Variants in NBR1 observed in about 807,000 individuals in gnomAD.
The protein encoded by NBR1 is next to BRCA1 gene 1 protein.
In NBR1, 59 loss-of-function variants were observed where a neutral mutation model predicts 115.5. The ratio of observed to expected loss-of-function variants is 0.51; its 90% CI spans 0.41 to 0.63. The LOEUF (loss-of-function observed/expected upper bound fraction) is 0.63. NBR1 is among the 30% of genes least tolerant of loss of function. The pLI, the probability that NBR1 is intolerant of heterozygous loss-of-function variation, is 0.00. For missense variants in NBR1, 1,043 were observed against 1,150.5 expected (o/e 0.91, Z 1.35); for synonymous variants, 373 against 414.7 (o/e 0.90, Z 1.22).
intron 5 of NBR1, among the ~76,000 whole-genome samples, chr17:43,181,707 G>A (rs909467636): frequency 4.7e-5 from 7 of 150,050 alleles, no homozygotes; most frequent in Non-Finnish European, 7.4e-5. Flanking sequence ...TATCTTGGCC[G>A]GGTGCAGTGG....
In NBR1 at chr17:43,186,337, G is replaced by A. The variant is rs1403456934; in HGVS notation, c.295G>A (p.Ala99Thr). Residue 99 changes from alanine to threonine, a missense_variant, in exon 6 of 21, where the codon GCA (alanine) becomes ACA (threonine). Ala to Thr is a moderately conservative substitution (Grantham distance 58, BLOSUM62 0). Coordinates refer to ENST00000590996, the MANE Select transcript of NBR1 (RefSeq NM_005899.5). Reference protein sequence around the residue: ...VDEAPPPVVGAKRLAARAGKK... With the variant: ...VDEAPPPVVGTKRLAARAGKK... ...TGAAGCCCCACCCCCAGTTGTAGGA[G>A]CAAAACGACTAGCTGCCAGGGCAGG... The A allele has an allele frequency of 1.3e-6, 2 of 1,596,524 alleles. No homozygotes were observed. The highest frequency in any genetic ancestry group is 1.7e-6 in the Non-Finnish European group (2 of 1,171,580).
At chr17:43,197,433 G>A (rs1211886837) in intron 16 of NBR1, among the ~76,000 whole-genome samples, 1 of 151,808 alleles carries the variant, frequency 6.6e-6, no homozygotes, top group African/African-American at 2.4e-5. Context: ...GCAGGAGAAT[G>A]GCATGAACCC....
upstream of NBR1, chr17:43,170,483 TA>T (rs1297153011): frequency 2.6e-5 from 4 of 154,014 alleles, no homozygotes; most frequent in Non-Finnish European, 5.8e-5. Context: ...TACGTCACAG[TA>T]ATTGCTGTAC....
rs1368103259 is a variant in NBR1, at chr17:43,211,378, G to A, written c.*1304G>A. 6.6e-6 allele frequency: 1 copy of A among 152,656 alleles called. No homozygotes were observed. Among genetic ancestry groups the A allele is most frequent in the Non-Finnish European group, 1.5e-5 (1 of 68,048 alleles). The allele number at this position is 152,656 out of a possible 1,614,324, so 9.5% of individuals were successfully genotyped here. A position where few individuals can be genotyped will look rare whatever the true frequency, so the allele number is the denominator to read the frequency against. On this transcript the variant is annotated 3_prime_UTR_variant, in exon 21 of 21. Transcript: ENST00000590996. ...ATCTAACCTGGTTGGTATTTGTAAT[G>A]AATGGTGATTTTAATTAGTCATTAG... is the stretch of plus-strand genomic sequence containing the variant.
At position 43,180,434 on chromosome 17, in the gene NBR1, T is replaced by C. The variant is rs184686548; in HGVS notation, c.185-361T>C. 4.0e-3 allele frequency among the ~76,000 whole-genome samples: 609 copies of C among 152,344 alleles called. 4 individuals are homozygous for C. The highest frequency in any genetic ancestry group is 0.01 in the Middle Eastern group (3 of 294). On this transcript the variant is annotated intron_variant, in intron 4 of 20. Coordinates refer to ENST00000590996, the MANE Select transcript of NBR1 (RefSeq NM_005899.5). The stretch of plus-strand genomic sequence containing the variant: ...GTAAAAATGTGGCATTATAATCTTA[T>C]GGGATCACCATCATACACATGGTTG...
intron 1 of NBR1, 111 bp from the exon 2 acceptor site, chr17:43,175,680 C>T (rs1245590646): frequency 1.7e-6 from 1 of 576,744 alleles, no homozygotes; most frequent in Non-Finnish European, 3.1e-6. Flanking sequence ...TCTCCCAAGC[C>T]CAGCCCATAT....
At chr17:43,194,707 C>T in intron 13 of NBR1, 1 of 641,956 alleles carries the variant, frequency 1.6e-6, no homozygotes, top group Non-Finnish European at 2.7e-6. Context: ...CCTGTACTTC[C>T]CCACAAACTC....
intron 10 of NBR1, 73 bp downstream of exon 10, chr17:43,191,654 C>A: frequency 1.0e-6 from 1 of 983,856 alleles, no homozygotes; most frequent in Non-Finnish European, 1.5e-6. Flanking sequence ...AACCAATTTC[C>A]GTCTTATTTA....
chr17:43,204,978 A>G (rs752250281), intron 20 of NBR1, among the ~76,000 whole-genome samples: 23 of 152,074 alleles, frequency 1.5e-4, no homozygotes, highest in Non-Finnish European at 2.1e-4. Flanking sequence ...CCTGTCTCAA[A>G]AAACAACAAC....
intron 19 of NBR1, among the ~76,000 whole-genome samples, chr17:43,203,285 T>A (rs1047284245): frequency 2.0e-5 from 3 of 152,252 alleles, no homozygotes; most frequent in African/African-American, 7.2e-5. Context: ...TGGACATACC[T>A]GGTTCTCTGC....
Position 43,193,184 on chromosome 17 carries a change from A to G in NBR1, c.1164A>G (p.Pro388=). The G allele has an allele frequency of 1.2e-6, 2 of 1,614,040 alleles. No homozygotes were observed. Among genetic ancestry groups the G allele is most frequent in the Non-Finnish European group, 8.5e-7 (1 of 1,179,892 alleles). The change falls in exon 11 of 21, where the codon CCA becomes CCG. Residue 388 remains proline (P), a synonymous_variant. Coordinates refer to ENST00000590996, the MANE Select transcript of NBR1 (RefSeq NM_005899.5). ...ENLPDGTHLQ[P]GTKFIKHWRM... ...TGCCTGATGGGACTCACCTTCAGCC[A>G]GGAACCAAGTTTATCAAACACTGGA...
chr17:43,174,183 CT>C (rs1334021773), intron 1 of NBR1, among the ~76,000 whole-genome samples: 1 of 151,880 alleles, frequency 6.6e-6, no homozygotes, highest in East Asian at 1.9e-4. Context: ...TGCTGTAAAC[CT>C]TTGGTTACAG....
intron 5 of NBR1, among the ~76,000 whole-genome samples, chr17:43,182,211 CTTTTTTT>C (rs752789312): frequency 1.4e-5 from 1 of 71,570 alleles, no homozygotes; most frequent in Non-Finnish European, 2.5e-5. Context: ...CTGTTCTCTC[CTTTTTTT>C]TTTTTTTTTT....
chr17:43,199,406 C>T (rs1337448953), intron 16 of NBR1, among the ~76,000 whole-genome samples: 2 of 150,768 alleles, frequency 1.3e-5, no homozygotes, highest in Non-Finnish European at 3.0e-5. Context: ...GGGACACAGT[C>T]TCTGTCACCC....
Position 43,196,555 on chromosome 17 carries a change from G to A in NBR1, c.1825G>A (p.Glu609Lys), listed in dbSNP as rs1188892016. The stretch of plus-strand genomic sequence containing the variant: ...GAAGCCAGGCTTGGGGCAGATAGAG[G>A]AAGAGAATGAAGGGGCAGGATTTAA... ...IEKPGLGQIE[E>K]ENEGAGFKAL... is the part of the protein sequence containing the mutation. The change falls in exon 15 of 21, where the codon GAA becomes AAA. Residue 609 changes from glutamate (E) to lysine (K), a missense_variant. Physicochemically the swap from Glu to Lys is moderately conservative, Grantham distance 56 (BLOSUM62 1). Coordinates refer to ENST00000590996, the MANE Select transcript of NBR1 (RefSeq NM_005899.5). 13 of 1,605,744 alleles carry A rather than the reference G, an allele frequency of 8.1e-6. No individual in the cohort carries two copies. The highest frequency in any genetic ancestry group is 1.1e-5 in the Non-Finnish European group (13 of 1,176,816).
At chr17:43,170,770 T>G (rs1449510841), upstream of NBR1, 1 of 152,168 alleles carries the variant, frequency 6.6e-6, no homozygotes, top group Admixed American at 6.5e-5. Context: ...GGAAATCCAG[T>G]GGATAGATTG....
intron 4 of NBR1, among the ~76,000 whole-genome samples, chr17:43,180,311 C>A (rs139620580): frequency 1.9e-4 from 29 of 152,234 alleles, no homozygotes; most frequent in African/African-American, 6.7e-4. Flanking sequence ...TAACCTATTG[C>A]TTATAGGCTG....
intron 5 of NBR1, among the ~76,000 whole-genome samples, chr17:43,185,681 A>G (rs2056783122): frequency 2.0e-5 from 3 of 152,058 alleles, no homozygotes; most frequent in Admixed American, 2.0e-4. Flanking sequence ...GACAGAGCAA[A>G]TTGCCATCTC....
At chr17:43,205,721 A>G (rs2057300735) in intron 20 of NBR1, among the ~76,000 whole-genome samples, 1 of 151,990 alleles carries the variant, frequency 6.6e-6, no homozygotes, top group African/African-American at 2.4e-5. Context: ...TACTAAAAAC[A>G]TAAAAAATTA....
Sources: gnomAD v4.1 joint callset for allele counts (sites outside exome capture counted in the v4.1 genomes callset) on GRCh38, gnomAD v4.1.1 for gene constraint, MANE v1.5 for transcripts, NCBI Gene and HGNC (gene_info 2026-07-23, HGNC 2026-07-21) for gene names.